The following FAF1 variants were observed in gnomAD, a reference collection of about 807,000 sequenced individuals.
The protein encoded by FAF1 is FAS-associated factor 1.
FAF1 carries 25 observed loss-of-function variants against 92.5 expected under a neutral mutation model. The observed-to-expected ratio is 0.27, with a 90% CI of 0.20 to 0.38. The LOEUF (loss-of-function observed/expected upper bound fraction) is 0.38. FAF1 is among the 10% of genes least tolerant of loss of function. FAF1 has a pLI of 1.00. For synonymous variants in FAF1, 234 were observed against 273.2 expected, an observed-to-expected ratio of 0.86 and a Z score of 1.42; for missense variants, 636 against 793.3, an observed-to-expected ratio of 0.80 and a Z score of 2.38.
chr1:50,808,160 T>C (rs955848168), intron 2 of FAF1, among the ~76,000 whole-genome samples: 1 of 152,010 alleles, frequency 6.6e-6, no homozygotes, highest in Non-Finnish European at 1.5e-5. Flanking sequence ...CAAACTAAAA[T>C]AAGCTTCATA....
intron 15 of FAF1, among the ~76,000 whole-genome samples, chr1:50,530,300 AGT>A (rs904131423): frequency 1.6e-5 from 2 of 127,260 alleles, no homozygotes; most frequent in South Asian, 2.6e-4. Flanking sequence ...TATATGTATG[AGT>A]GTGTGTGTGT....
chr1:50,889,883 G>A (rs968693046), intron 1 of FAF1, among the ~76,000 whole-genome samples: 3 of 152,128 alleles, frequency 2.0e-5, no homozygotes, highest in Non-Finnish European at 2.9e-5. Context: ...TATTAGGTCC[G>A]CTTGATGCAG....
intron 2 of FAF1, among the ~76,000 whole-genome samples, chr1:50,814,472 A>G (rs914591161): frequency 2.0e-5 from 3 of 152,192 alleles, no homozygotes; most frequent in Non-Finnish European, 4.4e-5. Flanking sequence ...GATAAATTCA[A>G]AAAAACAAAC....
intron 15 of FAF1, among the ~76,000 whole-genome samples, chr1:50,522,083 T>C (rs1647530005): frequency 1.3e-5 from 2 of 152,234 alleles, no homozygotes; most frequent in South Asian, 2.1e-4. Context: ...CATTATTCCA[T>C]GCACAAAAGT....
chr1:50,511,461 T>C (rs1333111144), intron 15 of FAF1, among the ~76,000 whole-genome samples: 1 of 150,266 alleles, frequency 6.7e-6, no homozygotes, highest in African/African-American at 2.4e-5. Context: ...TGTGTTCTCA[T>C]TGTTCAACTC....
chr1:50,938,867 T>C (rs1645107894), intron 1 of FAF1, among the ~76,000 whole-genome samples: 2 of 152,304 alleles, frequency 1.3e-5, no homozygotes, highest in Non-Finnish European at 1.5e-5. Context: ...TTGTCAAATA[T>C]CAGTTGTAGA....
chr1:50,519,394 GGGAA>G (rs1191166290), intron 15 of FAF1, among the ~76,000 whole-genome samples: 10 of 121,280 alleles, frequency 8.2e-5, no homozygotes, highest in Non-Finnish European at 1.2e-4. Context: ...GAGGGAGGGA[GGGAA>G]GGAGGGAGGG....
intron 7 of FAF1, among the ~76,000 whole-genome samples, chr1:50,660,213 T>A (rs186552997): frequency 7.9e-5 from 12 of 152,324 alleles, no homozygotes; most frequent in Non-Finnish European, 1.3e-4. Flanking sequence ...AGGAAAGTAA[T>A]TCTTAGGAAA....
chr1:50,702,280 T>C (rs1296740135), intron 7 of FAF1, among the ~76,000 whole-genome samples: 1 of 152,084 alleles, frequency 6.6e-6, no homozygotes, highest in Non-Finnish European at 1.5e-5. Context: ...TCTTTAATAG[T>C]ATTAGTGAGA....
chr1:50,509,495 C>T (rs919179775), intron 15 of FAF1, among the ~76,000 whole-genome samples: 11 of 152,002 alleles, frequency 7.2e-5, no homozygotes, highest in African/African-American at 2.4e-4. Flanking sequence ...ACTTGTGGTC[C>T]CAGCTACTTG....
chr1:50,752,282 G>A (rs1659899551), intron 4 of FAF1, among the ~76,000 whole-genome samples: 2 of 152,088 alleles, frequency 1.3e-5, no homozygotes, highest in Non-Finnish European at 1.5e-5. Context: ...CTTTTTGTGG[G>A]AAGGTTTTGA....
rs112176297 is a variant in FAF1 at position 50,926,852 on chromosome 1, A to T, written c.45+32915T>A. Among the ~76,000 whole-genome samples the T allele has an allele frequency of 3.0e-3, 459 of 152,358 alleles. 4 individuals carry two copies. The highest frequency in any genetic ancestry group is 0.01 in the African/African-American group (433 of 41,580). On this transcript the variant is annotated intron_variant, in intron 1 of 18. Coordinates refer to ENST00000396153, the MANE Select transcript of FAF1 (RefSeq NM_007051.3). ...TAGTACCATTGTTGACAATATCCAA[A>T]ATGTATAAACAACTCAAATGTCCAT...
intron 13 of FAF1, among the ~76,000 whole-genome samples, chr1:50,542,768 C>A (rs991824505): frequency 6.6e-6 from 1 of 152,168 alleles, no homozygotes; most frequent in Admixed American, 6.6e-5. Flanking sequence ...GCCTGCCCAT[C>A]ATAGAACATT....
At chr1:50,685,122 T>C (rs556424165) in intron 7 of FAF1, among the ~76,000 whole-genome samples, 1 of 152,174 alleles carries the variant, frequency 6.6e-6, no homozygotes, top group African/African-American at 2.4e-5. Flanking sequence ...GGAGAAGGGG[T>C]AAGGCTGAGG....
intron 13 of FAF1, among the ~76,000 whole-genome samples, chr1:50,548,227 G>A (rs1442866440): frequency 2.0e-5 from 3 of 152,058 alleles, no homozygotes; most frequent in Admixed American, 6.6e-5. Context: ...TTTTGCCTTT[G>A]ATAAATCAAG....
chr1:50,477,863 T>C (rs1165337460), intron 17 of FAF1, among the ~76,000 whole-genome samples: 1 of 152,190 alleles, frequency 6.6e-6, no homozygotes, highest in East Asian at 1.9e-4. Flanking sequence ...TAAACTAACA[T>C]GCTAACTGAA....
intron 2 of FAF1, among the ~76,000 whole-genome samples, chr1:50,813,551 C>T (rs1205902482): frequency 6.6e-6 from 1 of 152,122 alleles, no homozygotes. Flanking sequence ...GCCTCAACCT[C>T]CATGGCTGAA....
rs531402338 is a variant in FAF1, at chr1:50,670,340, C to T, written c.658-14812G>A. On this transcript the variant is annotated intron_variant, in intron 7 of 18. Coordinates refer to ENST00000396153, the MANE Select transcript of FAF1 (RefSeq NM_007051.3). ...TGGATTCAAACAATCTGCCTACCTG[C>T]ACCTCCCAAAGTGCTGGGATTACAG... 5.8e-4 allele frequency among the ~76,000 whole-genome samples: 88 copies of T among 151,868 alleles called. 1 individual carries two copies. Among genetic ancestry groups the T allele is most frequent in the Non-Finnish European group, 1.0e-3 (69 of 67,960 alleles).
chr1:50,559,795 C>T (rs1649784739), intron 13 of FAF1, among the ~76,000 whole-genome samples: 1 of 152,206 alleles, frequency 6.6e-6, no homozygotes, highest in Non-Finnish European at 1.5e-5. Flanking sequence ...AAATGACAAA[C>T]TCTCCTGGTG....
Sources: gnomAD v4.1 joint callset for allele counts (sites outside exome capture counted in the v4.1 genomes callset) on GRCh38, gnomAD v4.1.1 for gene constraint, MANE v1.5 for transcripts, NCBI Gene and HGNC (gene_info 2026-07-23, HGNC 2026-07-21) for gene names.